Variants in PLXNA4 observed in about 807,000 individuals in gnomAD.
PLXNA4 encodes the protein plexin A4.
Under a neutral mutation model 191.8 loss-of-function variants are expected in PLXNA4, and 44 were observed. The ratio of observed to expected loss-of-function variants is 0.23; its 90% CI spans 0.18 to 0.29. PLXNA4 has a LOEUF of 0.29. Among genes scored for constraint, PLXNA4 ranks in the 10% least tolerant of loss-of-function variants. PLXNA4 has a pLI of 1.00. For synonymous variants in PLXNA4, 1,082 were observed against 1,009.5 expected (o/e 1.07, Z -1.36); for missense variants, 1,800 against 2,488.8 (o/e 0.72, Z 5.89).
intron 1 of PLXNA4, among the ~76,000 whole-genome samples, chr7:132,546,121 C>T (rs1301079140): frequency 6.6e-6 from 1 of 152,174 alleles, no homozygotes; most frequent in South Asian, 2.1e-4. Flanking sequence ...TTGGCCATCA[C>T]CCAAGTACTT....
intron 22 of PLXNA4, among the ~76,000 whole-genome samples, chr7:132,166,818 G>A (rs961689964): frequency 6.6e-5 from 10 of 152,122 alleles, no homozygotes; most frequent in South Asian, 4.2e-4. Context: ...GGGTGGCTGC[G>A]TGGTGAAAGT....
chr7:132,476,196 T>A (rs1797123610), intron 3 of PLXNA4, among the ~76,000 whole-genome samples: 1 of 152,074 alleles, frequency 6.6e-6, no homozygotes, highest in Admixed American at 6.6e-5. Context: ...AAATAGAAGG[T>A]GAAGAGCTTA....
chr7:132,522,125 T>C (rs11766884), intron 1 of PLXNA4, among the ~76,000 whole-genome samples: 16,218 of 152,124 alleles, frequency 0.11, 1,131 homozygotes, highest in Non-Finnish European at 0.14. Flanking sequence ...GCAGCTCTTC[T>C]GAATCCACTC....
chr7:132,555,524 T>C (rs997032451), intron 1 of PLXNA4, among the ~76,000 whole-genome samples: 1 of 152,234 alleles, frequency 6.6e-6, no homozygotes, highest in African/African-American at 2.4e-5. Context: ...ATATTACCTC[T>C]CCACTTATTG....
At chr7:132,198,378 T>C (rs1265067808) in intron 13 of PLXNA4, 107 bp downstream of exon 13, 15 of 1,458,154 alleles carry the variant, frequency 1.0e-5, no homozygotes, top group Non-Finnish European at 1.0e-5. Flanking sequence ...TTCTCCTTTT[T>C]CCCCCACAAC....
At chr7:132,527,877 C>A (rs1799468825) in intron 1 of PLXNA4, among the ~76,000 whole-genome samples, 1 of 152,186 alleles carries the variant, frequency 6.6e-6, no homozygotes, top group Admixed American at 6.5e-5. Context: ...CACACAGAGG[C>A]ACGAGAACAG....
intron 3 of PLXNA4, among the ~76,000 whole-genome samples, chr7:132,360,632 A>G (rs2116849605): frequency 6.6e-6 from 1 of 152,336 alleles, no homozygotes; most frequent in East Asian, 1.9e-4. Flanking sequence ...AAAGATAAAA[A>G]TGGACCAATT....
At chr7:132,476,550 G>A (rs546006199) in intron 3 of PLXNA4, among the ~76,000 whole-genome samples, 7 of 152,290 alleles carry the variant, frequency 4.6e-5, no homozygotes, top group Admixed American at 2.0e-4. Context: ...ACCCTGATAC[G>A]GAGGCATGTG....
intron 16 of PLXNA4, among the ~76,000 whole-genome samples, chr7:132,184,644 C>T (rs1796817296): frequency 6.6e-6 from 1 of 152,168 alleles, no homozygotes; most frequent in Admixed American, 6.5e-5. Flanking sequence ...AAATGAAGGT[C>T]CCCAAGTCCC....
At chr7:132,540,867 G>A (rs977312913) in intron 1 of PLXNA4, among the ~76,000 whole-genome samples, 6 of 151,394 alleles carry the variant, frequency 4.0e-5, no homozygotes, top group Admixed American at 6.6e-5. Flanking sequence ...GATTACAGGC[G>A]TGAGCCACCG....
At chr7:132,325,760 C>T (rs778653108) in intron 3 of PLXNA4, among the ~76,000 whole-genome samples, 3 of 152,150 alleles carry the variant, frequency 2.0e-5, no homozygotes, top group African/African-American at 7.2e-5. Flanking sequence ...ATGCCCCAGG[C>T]CACCCAGTTT....
rs1390277873 is a variant in PLXNA4, at chr7:132,128,428, C to T, written c.*2051G>A. On this transcript the variant is annotated 3_prime_UTR_variant, in exon 32 of 32. Transcript: ENST00000321063. ...CCTCGGCAGGCGACCACCCTGATTT[C>T]CTATGGACAAGCGCCCTCTCCTTCC... The T allele has an allele frequency of 1.3e-5, 2 of 152,246 alleles. No homozygotes were observed. The highest frequency in any genetic ancestry group is 4.8e-5 in the African/African-American group (2 of 41,434). The allele number at this position is 152,246 out of a possible 1,614,324, so 9.4% of individuals were successfully genotyped here.
intron 1 of PLXNA4, among the ~76,000 whole-genome samples, chr7:132,563,153 T>G (rs1248211642): frequency 4.5e-5 from 2 of 44,006 alleles, no homozygotes; most frequent in Non-Finnish European, 4.7e-5. Context: ...TCTTCCTCCT[T>G]CTCCTCCTCC....
intron 3 of PLXNA4, among the ~76,000 whole-genome samples, chr7:132,362,520 C>A (rs1803988188): frequency 6.6e-6 from 1 of 152,212 alleles, no homozygotes; most frequent in African/African-American, 2.4e-5. Flanking sequence ...AACTTGCACG[C>A]TAACTCTGAC....
At chr7:132,133,278 T>C in intron 30 of PLXNA4, 79 bp from the exon 31 acceptor site, 28 of 1,556,564 alleles carry the variant, frequency 1.8e-5, no homozygotes, top group Non-Finnish European at 2.4e-5. Flanking sequence ...CAGCACCGTG[T>C]CTGGGGCCAT....
intron 2 of PLXNA4, among the ~76,000 whole-genome samples, chr7:132,644,041 A>T (rs1412127690): frequency 1.3e-5 from 2 of 152,182 alleles, no homozygotes; most frequent in Non-Finnish European, 2.9e-5. Context: ...AATTTCAAAT[A>T]TGTGTGTGGA....
At chr7:132,171,944 C>A (rs542763619) in intron 21 of PLXNA4, among the ~76,000 whole-genome samples, 1 of 152,208 alleles carries the variant, frequency 6.6e-6, no homozygotes, top group South Asian at 2.1e-4. Flanking sequence ...TTATTACCTG[C>A]CTTTCAGACT....
chr7:132,156,135 T>TACACACAC (rs57153762), intron 25 of PLXNA4, among the ~76,000 whole-genome samples: 4,452 of 132,984 alleles, frequency 0.033, 177 homozygotes, highest in African/African-American at 0.085. Flanking sequence ...TTTCTGGACA[T>TACACACAC]ACACACACAC....
Position 132,146,498 on chromosome 7 carries a change from C to G in PLXNA4, c.5055+12G>C. ...CTCTGGGCTCCCTGCACCCAGTTCT[C>G]AAGTCTGATACCTTAGTGGCCAGGA... On this transcript the variant is annotated intron_variant, in intron 28 of 31. Coordinates refer to ENST00000321063, the MANE Select transcript of PLXNA4 (RefSeq NM_020911.2). 1 of 1,614,130 alleles carries G rather than the reference C, an allele frequency of 6.2e-7. No homozygotes were observed. The highest frequency in any genetic ancestry group is 8.5e-7 in the Non-Finnish European group (1 of 1,180,026).
Sources: gnomAD v4.1 joint callset for allele counts (sites outside exome capture counted in the v4.1 genomes callset) on GRCh38, gnomAD v4.1.1 for gene constraint, MANE v1.5 for transcripts, NCBI Gene and HGNC (gene_info 2026-07-23, HGNC 2026-07-21) for gene names.